Variants in PLCB1 observed in about 807,000 individuals in gnomAD.
The protein encoded by PLCB1 is phospholipase C beta 1.
PLCB1 carries 46 observed loss-of-function variants against 161.8 expected under a neutral mutation model. The observed-to-expected ratio is 0.28, with a 90% CI of 0.22 to 0.36. The LOEUF is 0.36. Among genes scored for constraint, PLCB1 ranks in the 10% least tolerant of loss-of-function variants. The pLI is 1.00. For missense variants in PLCB1, 1,016 were observed against 1,472.5 expected (o/e 0.69, Z 5.07); for synonymous variants, 517 against 503.7 (o/e 1.03, Z -0.35).
intron 1 of PLCB1, among the ~76,000 whole-genome samples, chr20:8,136,494 C>G (rs567093881): frequency 2.0e-5 from 3 of 151,852 alleles, no homozygotes; most frequent in Non-Finnish European, 4.4e-5. Context: ...GGCGTGGTGG[C>G]GGGCGCCTGT....
chr20:8,436,036 A>T (rs1181384680), intron 3 of PLCB1, among the ~76,000 whole-genome samples: 1 of 152,116 alleles, frequency 6.6e-6, no homozygotes, highest in Admixed American at 6.5e-5. Flanking sequence ...TGGAAGTTCC[A>T]TCATTAAGGA....
chr20:8,677,254 G>C (rs1169116036), intron 9 of PLCB1, among the ~76,000 whole-genome samples: 1 of 151,850 alleles, frequency 6.6e-6, no homozygotes, highest in Non-Finnish European at 1.5e-5. Flanking sequence ...TTAGCCGGGT[G>C]GGGTATGGTG....
chr20:8,400,837 G>GTA (rs548637007), intron 3 of PLCB1, among the ~76,000 whole-genome samples: 3 of 152,198 alleles, frequency 2.0e-5, no homozygotes, highest in South Asian at 4.1e-4. Flanking sequence ...GCTTTGATGT[G>GTA]TATATATATG....
intron 3 of PLCB1, among the ~76,000 whole-genome samples, chr20:8,486,263 A>T (rs933599555): frequency 5.9e-5 from 9 of 152,306 alleles, no homozygotes; most frequent in South Asian, 2.1e-4. Context: ...ATACAAGGGG[A>T]TAAAGCAGAT....
chr20:8,863,917 T>G (rs2146316454), intron 31 of PLCB1, among the ~76,000 whole-genome samples: 1 of 152,302 alleles, frequency 6.6e-6, no homozygotes, highest in Middle Eastern at 3.4e-3. Context: ...AACTCATAGG[T>G]AAAGATTAAG....
chr20:8,692,156 A>G (rs1990493735), intron 10 of PLCB1, among the ~76,000 whole-genome samples: 1 of 152,184 alleles, frequency 6.6e-6, no homozygotes, highest in Admixed American at 6.6e-5. Flanking sequence ...AATCTGATGA[A>G]TTAAATTATC....
intron 2 of PLCB1, among the ~76,000 whole-genome samples, chr20:8,311,865 C>T (rs1244887993): frequency 1.3e-5 from 2 of 152,112 alleles, no homozygotes; most frequent in African/African-American, 2.4e-5. Flanking sequence ...AACACATATA[C>T]AGTTGTGGGC....
intron 3 of PLCB1, among the ~76,000 whole-genome samples, chr20:8,508,089 G>A (rs893970601): frequency 6.6e-6 from 1 of 152,144 alleles, no homozygotes; most frequent in African/African-American, 2.4e-5. Flanking sequence ...CATGGGGTTG[G>A]GGTAGTTCAG....
At chr20:8,575,470 T>C (rs1986648231) in intron 3 of PLCB1, among the ~76,000 whole-genome samples, 1 of 152,210 alleles carries the variant, frequency 6.6e-6, no homozygotes, top group East Asian at 1.9e-4. Flanking sequence ...TAGACATAAA[T>C]TTGGCAAAGG....
intron 1 of PLCB1, among the ~76,000 whole-genome samples, chr20:8,145,814 T>G (rs77103863): frequency 6.6e-6 from 1 of 152,344 alleles, no homozygotes; most frequent in African/African-American, 2.4e-5. Context: ...ACGAATACTA[T>G]ATTTAATTTA....
At chr20:8,458,593 C>T (rs934103044) in intron 3 of PLCB1, among the ~76,000 whole-genome samples, 4 of 152,168 alleles carry the variant, frequency 2.6e-5, no homozygotes, top group African/African-American at 9.7e-5. Flanking sequence ...ACATCAACGT[C>T]CTTAGATGAA....
chr20:8,751,499 C>T (rs1192691563), intron 23 of PLCB1: 1 of 152,134 alleles, frequency 6.6e-6, no homozygotes, highest in Non-Finnish European at 1.5e-5. Context: ...TTTTCAGTTA[C>T]CATTTTACTG....
At chr20:8,719,918 C>G (rs1483864232) in intron 14 of PLCB1, among the ~76,000 whole-genome samples, 1 of 152,064 alleles carries the variant, frequency 6.6e-6, no homozygotes, top group Non-Finnish European at 1.5e-5. Context: ...TCTCAATTGC[C>G]TGTTTTTTTA....
intron 2 of PLCB1, among the ~76,000 whole-genome samples, chr20:8,248,958 G>A (rs1461277992): frequency 6.6e-6 from 1 of 151,852 alleles, no homozygotes; most frequent in African/African-American, 2.4e-5. Flanking sequence ...AAAGAGGTAT[G>A]GTCTTTTCAT....
chr20:8,135,565 A>G (rs2051336825), intron 1 of PLCB1, among the ~76,000 whole-genome samples: 1 of 152,152 alleles, frequency 6.6e-6, no homozygotes, highest in African/African-American at 2.4e-5. Flanking sequence ...TACCAGGGCC[A>G]GGCGTTAATA....
chr20:8,188,287 A>G (rs2051928222), intron 2 of PLCB1, among the ~76,000 whole-genome samples: 1 of 152,160 alleles, frequency 6.6e-6, no homozygotes, highest in Non-Finnish European at 1.5e-5. Flanking sequence ...TCCTTTGGCC[A>G]AAGCAAGTTA....
At chr20:8,172,538 A>T (rs576834195) in intron 2 of PLCB1, among the ~76,000 whole-genome samples, 20 of 152,314 alleles carry the variant, frequency 1.3e-4, no homozygotes, top group African/African-American at 4.3e-4. Flanking sequence ...AGGGCGAATT[A>T]TATTAGGTTT....
At chr20:8,232,442 T>C (rs975822701) in intron 2 of PLCB1, among the ~76,000 whole-genome samples, 8 of 152,174 alleles carry the variant, frequency 5.3e-5, no homozygotes, top group Non-Finnish European at 7.4e-5. Context: ...TGTCTGCTGC[T>C]CTGCTCTTCA....
intron 31 of PLCB1, among the ~76,000 whole-genome samples, chr20:8,836,965 C>T (rs1426557991): frequency 3.3e-5 from 5 of 152,192 alleles, no homozygotes; most frequent in African/African-American, 1.2e-4. Flanking sequence ...TTTGAACCCT[C>T]AGCCTCACAA....
Sources: gnomAD v4.1 joint callset for allele counts (sites outside exome capture counted in the v4.1 genomes callset) on GRCh38, gnomAD v4.1.1 for gene constraint, MANE v1.5 for transcripts, NCBI Gene and HGNC (gene_info 2026-07-23, HGNC 2026-07-21) for gene names.